The following TIMP2 variants were observed in gnomAD, a reference collection of about 807,000 sequenced individuals.
TIMP2 encodes TIMP metallopeptidase inhibitor 2, also known as metalloproteinase inhibitor 2.
TIMP2 carries 5 observed loss-of-function variants against 24.3 expected under a neutral mutation model. The ratio of observed to expected loss-of-function variants is 0.21; its 90% CI spans 0.11 to 0.43. The LOEUF (loss-of-function observed/expected upper bound fraction) is 0.43. TIMP2 is among the 20% of genes least tolerant of loss of function. The pLI, the probability that TIMP2 is intolerant of heterozygous loss-of-function variation, is 1.00. For synonymous variants in TIMP2, 130 were observed against 123.2 expected, an observed-to-expected ratio of 1.06 and a Z score of -0.37; for missense variants, 221 against 297.5, an observed-to-expected ratio of 0.74 and a Z score of 1.89.
intron 1 of TIMP2, among the ~76,000 whole-genome samples, chr17:78,909,167 G>GGGTTATGATGGGGCCCC (rs1568006934): frequency 6.6e-6 from 1 of 152,114 alleles, no homozygotes; most frequent in Admixed American, 6.6e-5. Flanking sequence ...GGGCAACATA[G>GGGTTATGATGGGGCCCC]CAAGATCTGG....
chr17:78,924,960 T>C lies in TIMP2; in HGVS notation c.129A>G (p.Val43=). 1 of 1,282,352 alleles carries C rather than the reference T, an allele frequency of 7.8e-7. No homozygotes were observed. Among genetic ancestry groups the C allele is most frequent in the Non-Finnish European group, 1.0e-6 (1 of 1,004,548 alleles). 79.4% of individuals were successfully genotyped at this position (1,282,352 alleles called of 1,614,324 possible). A position where few individuals can be genotyped will look rare whatever the true frequency, so the allele number is the denominator to read the frequency against. ...GGGGCTGGGGTCGCCGCTCCTTACCTACATCTGCATTGCAAAACGCCTGTT... is the reference window on the plus strand; with the variant it reads ...GGGGCTGGGGTCGCCGCTCCTTACCCACATCTGCATTGCAAAACGCCTGTT... ...HPQQAFCNAD[V]VIRAKAVSEK... is the part of the protein sequence containing the mutation. The change falls in exon 1 of 5, where the codon GTA becomes GTG. Residue 43 remains valine, a splice_region_variant and synonymous_variant. Transcript: ENST00000262768. The surrounding 1 kb of genome is among the most constrained non-coding windows in gnomAD (Gnocchi z 5.3).
intron 1 of TIMP2, chr17:78,897,622 T>G (rs989785575): frequency 1.3e-5 from 2 of 152,066 alleles, no homozygotes; most frequent in African/African-American, 4.8e-5. Flanking sequence ...AGACGTTGTA[T>G]CCCCAGGAGA....
chr17:78,867,594 CTTTTTT>C (rs58975858), intron 3 of TIMP2, among the ~76,000 whole-genome samples: 1 of 127,678 alleles, frequency 7.8e-6, no homozygotes, highest in Non-Finnish European at 1.6e-5. Flanking sequence ...TTTGTACCTT[CTTTTTT>C]TTTTTTTTTT....
chr17:78,919,525 C>G (rs1366567894), intron 1 of TIMP2, among the ~76,000 whole-genome samples: 1 of 152,170 alleles, frequency 6.6e-6, no homozygotes, highest in Non-Finnish European at 1.5e-5. Context: ...TTTCTTCACT[C>G]TGCCCTCCCC....
At chr17:78,903,638 G>A (rs1265070858) in intron 1 of TIMP2, among the ~76,000 whole-genome samples, 5 of 152,168 alleles carry the variant, frequency 3.3e-5, no homozygotes, top group Admixed American at 3.3e-4. Context: ...ACTGGAGGCG[G>A]GGGAAGAAAG....
intron 1 of TIMP2, among the ~76,000 whole-genome samples, chr17:78,911,817 G>A (rs67672445): frequency 0.48 from 71,711 of 150,070 alleles, 17,242 homozygotes; most frequent in Middle Eastern, 0.58. Context: ...AGGCCATGGC[G>A]GGTGGATCAC....
intron 1 of TIMP2, among the ~76,000 whole-genome samples, chr17:78,884,300 G>A (rs1043224999): frequency 6.6e-6 from 1 of 152,220 alleles, no homozygotes; most frequent in African/African-American, 2.4e-5. Context: ...ACAGCGCGAG[G>A]TGGGCAGGGC....
intron 1 of TIMP2, among the ~76,000 whole-genome samples, chr17:78,902,378 G>A (rs2070108133): frequency 6.6e-6 from 1 of 152,222 alleles, no homozygotes; most frequent in Admixed American, 6.5e-5. Context: ...AAAGTGCTGG[G>A]ATTCCAGGCA....
intron 1 of TIMP2, among the ~76,000 whole-genome samples, chr17:78,910,483 GC>G (rs1285775625): frequency 2.0e-5 from 3 of 152,144 alleles, no homozygotes; most frequent in Admixed American, 1.3e-4. Flanking sequence ...GTGGGCCACC[GC>G]CTGGCCTATT....
chr17:78,875,969 A>G (rs1531794), intron 1 of TIMP2, among the ~76,000 whole-genome samples: 142,547 of 152,240 alleles, frequency 0.94, 66,867 homozygotes, highest in African/African-American at 0.98. Flanking sequence ...ATGACTGGCC[A>G]AGGCCACAGG....
chr17:78,890,225 C>T lies in TIMP2; in HGVS notation c.131-16306G>A, dbSNP rs555302778. On this transcript the variant is annotated intron_variant, in intron 1 of 4. Transcript: ENST00000262768. ...TTGCTTTTTTTTTTTTTTTTTGAGA[C>T]GAGTCTCACTCTGTCACCCAGGCTG... Among the ~76,000 whole-genome samples the T allele has an allele frequency of 3.6e-5, 5 of 137,994 alleles. No individual in the cohort carries two copies. In the East Asian group the frequency reaches 1.0e-3, roughly 28 times the overall value. The allele number at this position is 137,994 out of a possible 152,430, so 90.5% of individuals were successfully genotyped here. A position where few individuals can be genotyped will look rare whatever the true frequency, so the allele number is the denominator to read the frequency against.
chr17:78,915,193 G>T (rs2070246015), intron 1 of TIMP2, among the ~76,000 whole-genome samples: 1 of 152,016 alleles, frequency 6.6e-6, no homozygotes, highest in African/African-American at 2.4e-5. Flanking sequence ...CACTGCAACC[G>T]GCCCAGTCTG....
intron 1 of TIMP2, among the ~76,000 whole-genome samples, chr17:78,893,943 T>A (rs2069958872): frequency 6.6e-6 from 1 of 152,140 alleles, no homozygotes; most frequent in Non-Finnish European, 1.5e-5. Context: ...CAGGAAAGGC[T>A]AAGGGACAGC....
intron 1 of TIMP2, among the ~76,000 whole-genome samples, chr17:78,890,120 A>G (rs2069866030): frequency 6.6e-6 from 1 of 152,106 alleles, no homozygotes; most frequent in Non-Finnish European, 1.5e-5. Flanking sequence ...CGTCTCAATC[A>G]ATCAATCAAT....
intron 1 of TIMP2, among the ~76,000 whole-genome samples, chr17:78,880,828 T>C (rs1416608772): frequency 6.6e-6 from 1 of 152,214 alleles, no homozygotes; most frequent in African/African-American, 2.4e-5. Flanking sequence ...AAATATACCA[T>C]ATAGAACATT....
At chr17:78,899,870 G>C (rs529062965) in intron 1 of TIMP2, 1 of 152,312 alleles carries the variant, frequency 6.6e-6, no homozygotes, top group African/African-American at 2.4e-5. Context: ...CAGCACCCGG[G>C]CCACATAGTC....
intron 2 of TIMP2, among the ~76,000 whole-genome samples, chr17:78,872,191 C>G (rs1015878865): frequency 2.0e-5 from 3 of 151,134 alleles, no homozygotes; most frequent in African/African-American, 7.3e-5. Flanking sequence ...AGGTCTCGCT[C>G]TATTACCCAG....
rs370731473 is a variant in TIMP2, at chr17:78,915,647, G to A, written c.130+9312C>T. ...CGATTCTCATGCCTCAGCCTCCCGA[G>A]TAGCTGGGATTACAGGCGTGCACCA... On this transcript the variant is annotated intron_variant, in intron 1 of 4. Coordinates refer to ENST00000262768, the MANE Select transcript of TIMP2 (RefSeq NM_003255.5). Among the ~76,000 whole-genome samples the A allele has an allele frequency of 3.9e-5, 6 of 151,922 alleles. No individual in the cohort carries two copies. The East Asian group carries it at 9.7e-4, about 24-fold the overall frequency.
At position 78,869,356 on chromosome 17, in the gene TIMP2, G is replaced by A. The variant is rs971272474; in HGVS notation, c.340+1542C>T. ...GAGGATCACTTGACCCCAGGAGATCGAGGTTGCAGTGAGTCATGATCGCAC... is the reference window on the plus strand; with the variant it reads ...GAGGATCACTTGACCCCAGGAGATCAAGGTTGCAGTGAGTCATGATCGCAC... On this transcript the variant is annotated intron_variant, in intron 3 of 4. Coordinates refer to ENST00000262768, the MANE Select transcript of TIMP2 (RefSeq NM_003255.5). Among the ~76,000 whole-genome samples the A allele has an allele frequency of 4.0e-5, 6 of 151,586 alleles. No individual in the cohort carries two copies. In the East Asian group the frequency reaches 9.7e-4, roughly 25 times the overall value.
Sources: allele counts gnomAD v4.1 joint callset (sites outside exome capture counted in the v4.1 genomes callset), GRCh38; gene constraint gnomAD v4.1.1; non-coding constraint Gnocchi (gnomAD v3.1); transcripts MANE v1.5; gene names NCBI Gene and HGNC (gene_info 2026-07-23, HGNC 2026-07-21).